The following COX7B2 variants were observed in gnomAD, a reference collection of about 807,000 sequenced individuals.
COX7B2 encodes the protein cytochrome c oxidase subunit 7B2, also known as cytochrome c oxidase subunit 7B2, mitochondrial.
For synonymous variants in COX7B2, 37 were observed against 32.1 expected (o/e 1.15, Z -0.51); for missense variants, 109 against 95.9 (o/e 1.14, Z -0.57).
intron 1 of COX7B2, among the ~76,000 whole-genome samples, chr4:46,892,583 C>T (rs1365580666): frequency 1.3e-5 from 2 of 152,180 alleles, no homozygotes; most frequent in African/African-American, 4.8e-5. Context: ...TAACACTTGA[C>T]TCTTTCACCC....
At position 46,762,607 on chromosome 4, in the gene COX7B2, T is replaced by G. The variant is rs980451346; in HGVS notation, c.-49-27366A>C. On this transcript the variant is annotated intron_variant, in intron 2 of 2. Coordinates refer to ENST00000355591, the MANE Select transcript of COX7B2 (RefSeq NM_130902.3). ...CTTTCTAATGTTCTAAACTGTGAGG[T>G]AGAGAGCATAGAAAATCTGCAGAAG... is the stretch of plus-strand genomic sequence containing the variant. Among the ~76,000 whole-genome samples, 6 of 149,192 alleles carry G rather than the reference T, an allele frequency of 4.0e-5. No individual in the cohort carries two copies. In the Admixed American group the frequency reaches 4.1e-4, roughly 10 times the overall value.
In COX7B2 at chr4:46,842,736, A is replaced by AT. The variant is rs544068378; in HGVS notation, c.-50+2223dup. Among the ~76,000 whole-genome samples the AT allele has an allele frequency of 4.5e-3, 679 of 152,106 alleles. 6 individuals are homozygous for AT. Among genetic ancestry groups the AT allele is most frequent in the African/African-American group, 0.016 (657 of 41,500 alleles). ...TCCCTACAAAGGACACGAACTCATC[A>AT]TTTTTTATGGCTGCATAGTATTCCA... On this transcript the variant is annotated intron_variant, in intron 2 of 2. Transcript: ENST00000355591.
chr4:46,850,967 T>G (rs1317273422), intron 1 of COX7B2, among the ~76,000 whole-genome samples: 3 of 152,132 alleles, frequency 2.0e-5, no homozygotes, highest in Non-Finnish European at 4.4e-5. Context: ...ATTTATTTCC[T>G]TCTCTTCGGA....
At chr4:46,891,420 G>A (rs970387510) in intron 1 of COX7B2, among the ~76,000 whole-genome samples, 19 of 152,144 alleles carry the variant, frequency 1.2e-4, no homozygotes, top group African/African-American at 4.3e-4. Context: ...TAATGAAGAA[G>A]ATGATCTAGC....
chr4:46,849,268 C>A (rs1163449568), intron 1 of COX7B2, among the ~76,000 whole-genome samples: 1 of 152,054 alleles, frequency 6.6e-6, no homozygotes, highest in African/African-American at 2.4e-5. Context: ...AAATCAATTT[C>A]TCCTATGTTT....
At chr4:46,860,625 G>T (rs941837318) in intron 1 of COX7B2, among the ~76,000 whole-genome samples, 19 of 152,008 alleles carry the variant, frequency 1.2e-4, no homozygotes, top group Non-Finnish European at 2.1e-4. Flanking sequence ...CCATAGTTTG[G>T]GTGCCCTAGA....
At chr4:46,804,211 G>T (rs1194939698) in intron 2 of COX7B2, among the ~76,000 whole-genome samples, 1 of 152,130 alleles carries the variant, frequency 6.6e-6, no homozygotes, top group Non-Finnish European at 1.5e-5. Context: ...CCTTCACGGT[G>T]AGTGTTACAG....
intron 1 of COX7B2, among the ~76,000 whole-genome samples, chr4:46,866,556 A>G (rs1275983998): frequency 6.6e-6 from 1 of 152,198 alleles, no homozygotes; most frequent in Non-Finnish European, 1.5e-5. Context: ...CTATAACCCC[A>G]TAAGGCCCAA....
chr4:46,830,887 C>G (rs112702347), intron 2 of COX7B2, among the ~76,000 whole-genome samples: 6 of 152,238 alleles, frequency 3.9e-5, no homozygotes, highest in Non-Finnish European at 7.3e-5. Flanking sequence ...TGGCAGCCCT[C>G]GCAGCCTTTG....
chr4:46,835,268 A>T (rs1203868186), intron 2 of COX7B2, among the ~76,000 whole-genome samples: 1 of 152,174 alleles, frequency 6.6e-6, no homozygotes, highest in East Asian at 1.9e-4. Context: ...TTGCACACAG[A>T]CATGAAAGGT....
At chr4:46,784,634 T>C (rs1717656476) in intron 2 of COX7B2, among the ~76,000 whole-genome samples, 1 of 152,092 alleles carries the variant, frequency 6.6e-6, no homozygotes, top group Non-Finnish European at 1.5e-5. Flanking sequence ...AAAAAAAGAC[T>C]TAGAAAAGAA....
chr4:46,779,094 T>C (rs1487966833), intron 2 of COX7B2, among the ~76,000 whole-genome samples: 2 of 152,208 alleles, frequency 1.3e-5, no homozygotes, highest in Non-Finnish European at 2.9e-5. Flanking sequence ...CAACAAGTGT[T>C]TAATGAATAA....
intron 2 of COX7B2, among the ~76,000 whole-genome samples, chr4:46,789,639 A>G (rs1032760432): frequency 2.8e-4 from 43 of 152,172 alleles, no homozygotes; most frequent in Non-Finnish European, 4.3e-4. Context: ...TGAAAAACAA[A>G]AAAAGCGAAT....
At chr4:46,740,830 C>T (rs1714662186) in intron 2 of COX7B2, among the ~76,000 whole-genome samples, 1 of 152,110 alleles carries the variant, frequency 6.6e-6, no homozygotes, top group Non-Finnish European at 1.5e-5. Context: ...GTATTCCATT[C>T]ACTTAACCTC....
chr4:46,737,594 T>C (rs1011600280), intron 2 of COX7B2, among the ~76,000 whole-genome samples: 2 of 152,182 alleles, frequency 1.3e-5, no homozygotes, highest in Non-Finnish European at 2.9e-5. Context: ...CAAAATACAA[T>C]GAAATTAGAT....
intron 1 of COX7B2, among the ~76,000 whole-genome samples, chr4:46,900,772 T>C (rs1720033457): frequency 6.6e-6 from 1 of 152,132 alleles, no homozygotes; most frequent in Non-Finnish European, 1.5e-5. Context: ...AGCAAGAAGA[T>C]GTCATTTATA....
intron 2 of COX7B2, among the ~76,000 whole-genome samples, chr4:46,800,308 CA>C (rs1191485350): frequency 2.6e-5 from 4 of 152,034 alleles, no homozygotes; most frequent in Non-Finnish European, 4.4e-5. Context: ...TCAGAACAGC[CA>C]AAGCAATCCT....
At chr4:46,807,796 G>A (rs749419697) in intron 2 of COX7B2, among the ~76,000 whole-genome samples, 13 of 151,716 alleles carry the variant, frequency 8.6e-5, no homozygotes, top group Non-Finnish European at 1.6e-4. Context: ...TCTCCATTAT[G>A]TTGTCTTCAT....
chr4:46,829,711 T>G (rs1158540267), intron 2 of COX7B2, among the ~76,000 whole-genome samples: 1 of 152,158 alleles, frequency 6.6e-6, no homozygotes, highest in Non-Finnish European at 1.5e-5. Context: ...AATTTCCATG[T>G]AAACAGAACA....
Sources: allele counts gnomAD v4.1 joint callset (sites outside exome capture counted in the v4.1 genomes callset), GRCh38; gene constraint gnomAD v4.1.1; transcripts MANE v1.5; gene names NCBI Gene and HGNC (gene_info 2026-07-23, HGNC 2026-07-21).